Variants in CSMD3 observed in about 807,000 individuals in gnomAD.
CSMD3 encodes the protein CUB and Sushi multiple domains 3.
CSMD3 carries 177 observed loss-of-function variants against 435.2 expected under a neutral mutation model. The observed-to-expected ratio is 0.41, with a 90% CI of 0.36 to 0.46. CSMD3 has a LOEUF of 0.46. Ranked by LOEUF, CSMD3 falls within the 20% of genes least tolerant of loss-of-function variation. CSMD3 has a pLI of 0.34. For synonymous variants in CSMD3, 1,656 were observed against 1,520.5 expected (o/e 1.09, Z -2.07); for missense variants, 4,265 against 4,504.6 (o/e 0.95, Z 1.52).
At chr8:112,424,189 G>A (rs144881683) in intron 32 of CSMD3, among the ~76,000 whole-genome samples, 7 of 152,122 alleles carry the variant, frequency 4.6e-5, no homozygotes, top group African/African-American at 1.2e-4. Flanking sequence ...AATAATTAAC[G>A]ATTCAAAGCC....
chr8:112,902,085 C>T lies in CSMD3; in HGVS notation c.1633+19542G>A, dbSNP rs553388283. The stretch of plus-strand genomic sequence containing the variant: ...GAAAAGTACTATTACCTTTTCAACC[C>T]CATGACCTTGATGACTTTTTTGAGC... On this transcript the variant is annotated intron_variant, in intron 10 of 70. Coordinates refer to ENST00000297405, the MANE Select transcript of CSMD3 (RefSeq NM_198123.2). Among the ~76,000 whole-genome samples, 3 of 151,356 alleles carry T rather than the reference C, an allele frequency of 2.0e-5. No individual in the cohort carries two copies. In the East Asian group the frequency reaches 5.9e-4, roughly 30 times the overall value.
intron 27 of CSMD3, among the ~76,000 whole-genome samples, chr8:112,523,383 T>A (rs1450205779): frequency 6.6e-6 from 1 of 151,950 alleles, no homozygotes; most frequent in Non-Finnish European, 1.5e-5. Flanking sequence ...AATTCTGAAA[T>A]GAAAAAACAC....
At chr8:113,341,372 T>C (rs542588620) in intron 1 of CSMD3, among the ~76,000 whole-genome samples, 1 of 152,280 alleles carries the variant, frequency 6.6e-6, no homozygotes, top group Non-Finnish European at 1.5e-5. Context: ...AACCTATATC[T>C]AAACTACATT....
intron 13 of CSMD3, among the ~76,000 whole-genome samples, chr8:112,778,615 C>A (rs553971096): frequency 2.0e-5 from 3 of 151,876 alleles, no homozygotes; most frequent in Non-Finnish European, 2.9e-5. Flanking sequence ...TCCAAATTGA[C>A]AAATATGGAT....
intron 4 of CSMD3, among the ~76,000 whole-genome samples, chr8:113,170,230 C>G (rs1268193560): frequency 6.6e-6 from 1 of 152,078 alleles, no homozygotes; most frequent in African/African-American, 2.4e-5. Context: ...GCCATCTTTT[C>G]TTTGGAAATG....
Position 113,436,659 on chromosome 8 carries a change from C to A in CSMD3, c.178+18G>T. 1.2e-6 allele frequency: 2 copies of A among 1,613,464 alleles called. No homozygotes were observed. Among genetic ancestry groups the A allele is most frequent in the Non-Finnish European group, 1.7e-6 (2 of 1,179,440 alleles). ...CCACCTCCATCCAAAGCGGAGGGGA[C>A]CCCCAAAGCAGACCTACCTTTCACA... On this transcript the variant is annotated intron_variant, in intron 1 of 70. Coordinates refer to ENST00000297405, the MANE Select transcript of CSMD3 (RefSeq NM_198123.2).
At chr8:112,806,506 A>C (rs2079090492) in intron 12 of CSMD3, among the ~76,000 whole-genome samples, 1 of 152,184 alleles carries the variant, frequency 6.6e-6, no homozygotes, top group South Asian at 2.1e-4. Flanking sequence ...AAGTGCAAAA[A>C]ATCCAGAATG....
intron 47 of CSMD3, among the ~76,000 whole-genome samples, chr8:112,318,166 T>C (rs1423776833): frequency 6.6e-6 from 1 of 151,972 alleles, no homozygotes. Flanking sequence ...TAGACCACCC[T>C]CTCTCTAGCT....
chr8:112,779,182 CGT>C (rs3047099), intron 13 of CSMD3, among the ~76,000 whole-genome samples: 1 of 149,086 alleles, frequency 6.7e-6, no homozygotes, highest in East Asian at 2.0e-4. Flanking sequence ...TGTGTGTTTG[CGT>C]GTGTGTGTGT....
At chr8:112,361,592 T>C (rs369647645) in intron 38 of CSMD3, among the ~76,000 whole-genome samples, 21,317 of 118,116 alleles carry the variant, frequency 0.18, 2,892 homozygotes, top group Middle Eastern at 0.35. Flanking sequence ...TATATATATA[T>C]ATATATATAT....
intron 4 of CSMD3, among the ~76,000 whole-genome samples, chr8:113,128,862 G>T (rs192646402): frequency 6.6e-6 from 1 of 152,118 alleles, no homozygotes; most frequent in Non-Finnish European, 1.5e-5. Context: ...AGTTTTTGAG[G>T]CATCGAGAAA....
At chr8:113,391,800 G>A (rs994265353) in intron 1 of CSMD3, among the ~76,000 whole-genome samples, 1 of 151,878 alleles carries the variant, frequency 6.6e-6, no homozygotes, top group Admixed American at 6.6e-5. Context: ...GCTAGAAGAA[G>A]GGGATGAAGA....
At chr8:112,401,330 T>C (rs1378119806) in intron 35 of CSMD3, among the ~76,000 whole-genome samples, 1 of 152,180 alleles carries the variant, frequency 6.6e-6, no homozygotes, top group African/African-American at 2.4e-5. Context: ...TTTGCTATTT[T>C]TTTTTAATTT....
At chr8:112,782,071 A>G (rs1405685194) in intron 13 of CSMD3, among the ~76,000 whole-genome samples, 1 of 152,094 alleles carries the variant, frequency 6.6e-6, no homozygotes, top group Non-Finnish European at 1.5e-5. Context: ...CCATTCAGGA[A>G]AACATCATCT....
Position 112,255,447 on chromosome 8 carries a change from C to T in CSMD3, c.9863-20G>A, listed in dbSNP as rs376351691. On this transcript the variant is annotated intron_variant, in intron 61 of 70. Transcript: ENST00000297405. The stretch of plus-strand genomic sequence containing the variant: ...ACTTTGCTGGAAATGAAAAGAAAGA[C>T]GCTTATATCAAAGATTTAGTATACA... The T allele has an allele frequency of 4.4e-4, 703 of 1,612,024 alleles. 3 individuals carry two copies. The South Asian group carries it at 6.3e-3, about 14-fold the overall frequency.
intron 13 of CSMD3, among the ~76,000 whole-genome samples, chr8:112,769,347 C>T (rs1587235868): frequency 6.6e-6 from 1 of 151,956 alleles, no homozygotes; most frequent in East Asian, 1.9e-4. Context: ...ATGCTCCTAT[C>T]TTTGCTACTA....
chr8:112,363,557 T>C (rs1054126938), intron 38 of CSMD3, among the ~76,000 whole-genome samples: 1 of 151,966 alleles, frequency 6.6e-6, no homozygotes, highest in Non-Finnish European at 1.5e-5. Flanking sequence ...AAACCCTGGG[T>C]ACCAGGACCA....
At position 112,942,205 on chromosome 8, in the gene CSMD3, G is replaced by C. The variant is rs569161649; in HGVS notation, c.1508+5585C>G. Among the ~76,000 whole-genome samples the C allele has an allele frequency of 7.0e-5, 10 of 143,784 alleles. No individual in the cohort carries two copies. The South Asian group carries it at 8.9e-4, about 13-fold the overall frequency. 94.3% of individuals were successfully genotyped at this position (143,784 alleles called of 152,430 possible). ...CTTATAGTTGAAATTTTACCTAGGA[G>C]TGTAATTGTTGGTAAACCCATGTTT... On this transcript the variant is annotated intron_variant, in intron 9 of 70. Coordinates refer to ENST00000297405, the MANE Select transcript of CSMD3 (RefSeq NM_198123.2).
intron 13 of CSMD3, among the ~76,000 whole-genome samples, chr8:112,697,179 A>G (rs1468617503): frequency 6.6e-6 from 1 of 152,136 alleles, no homozygotes; most frequent in African/African-American, 2.4e-5. Flanking sequence ...CAATTCCTCA[A>G]GGCTCTGGAA....
Sources: allele counts gnomAD v4.1 joint callset (sites outside exome capture counted in the v4.1 genomes callset), GRCh38; gene constraint gnomAD v4.1.1; transcripts MANE v1.5; gene names NCBI Gene and HGNC (gene_info 2026-07-23, HGNC 2026-07-21).